Variants in GRIK2 observed in about 807,000 individuals in gnomAD.
The protein encoded by GRIK2 is glutamate receptor ionotropic, kainate 2.
GRIK2 carries 32 observed loss-of-function variants against 100.3 expected under a neutral mutation model. The observed-to-expected ratio is 0.32, with a 90% CI of 0.24 to 0.43. The LOEUF (loss-of-function observed/expected upper bound fraction) is 0.43. GRIK2 is among the 20% of genes least tolerant of loss of function. The pLI is 1.00. For missense variants in GRIK2, 843 were observed against 1,114.9 expected, an observed-to-expected ratio of 0.76 and a Z score of 3.47; for synonymous variants, 417 against 389.4, an observed-to-expected ratio of 1.07 and a Z score of -0.83.
At chr6:101,717,246 G>A (rs1048144903) in intron 7 of GRIK2, among the ~76,000 whole-genome samples, 2 of 151,730 alleles carry the variant, frequency 1.3e-5, no homozygotes, top group African/African-American at 4.8e-5. Context: ...GGGGTTGGAT[G>A]AAAAAATTTA....
At chr6:102,038,747 A>AAGCAG (rs1770413487) in intron 15 of GRIK2, among the ~76,000 whole-genome samples, 2 of 151,440 alleles carry the variant, frequency 1.3e-5, no homozygotes, top group Admixed American at 1.3e-4. Flanking sequence ...GCTATATTCA[A>AAGCAG]AGCAGAGCAA....
At chr6:101,461,466 C>G (rs762876004) in intron 2 of GRIK2, among the ~76,000 whole-genome samples, 2 of 152,170 alleles carry the variant, frequency 1.3e-5, no homozygotes, top group African/African-American at 2.4e-5. Flanking sequence ...TACCTTATGG[C>G]CCACTTCCTC....
Position 101,996,685 on chromosome 6 carries a change from G to A in GRIK2, c.2086-38656G>A, listed in dbSNP as rs188575332. ...GCATCTGCTTATGTCTTAATCTGAT[G>A]TACTTTATTCAAGAAGCAGGAAGTG... On this transcript the variant is annotated intron_variant, in intron 14 of 16. Transcript: ENST00000369134. 3.9e-5 allele frequency among the ~76,000 whole-genome samples: 6 copies of A among 152,206 alleles called. No homozygotes were observed. The East Asian group carries it at 9.7e-4, about 25-fold the overall frequency.
intron 16 of GRIK2, among the ~76,000 whole-genome samples, chr6:102,059,911 T>G (rs1048478436): frequency 6.7e-6 from 1 of 150,312 alleles, no homozygotes; most frequent in African/African-American, 2.4e-5. Flanking sequence ...TATAAATTAT[T>G]GAGTTTCCTG....
chr6:101,907,788 C>T lies in GRIK2; in HGVS notation c.1749-16813C>T, dbSNP rs143770583. Among the ~76,000 whole-genome samples, 67 of 151,546 alleles carry T rather than the reference C, an allele frequency of 4.4e-4. 2 individuals carry two copies. The highest frequency in any genetic ancestry group is 1.5e-3 in the African/African-American group (61 of 41,396). ...GGTTTCAATCCATAAAATATGACTA[C>T]GACATAAACTTTAGAGTTCTATCAG... On this transcript the variant is annotated intron_variant, in intron 12 of 16. Transcript: ENST00000369134.
At chr6:101,539,224 T>C (rs1046052816) in intron 2 of GRIK2, among the ~76,000 whole-genome samples, 1 of 151,790 alleles carries the variant, frequency 6.6e-6, no homozygotes, top group African/African-American at 2.4e-5. Flanking sequence ...CTTTCAGTTT[T>C]ATTTAGTTCT....
rs368438998 is a variant in GRIK2 at position 101,710,265 on chromosome 6, CAG to C, written c.951+23913_951+23914del. Among the ~76,000 whole-genome samples, 228 of 151,800 alleles carry C rather than the reference CAG, an allele frequency of 1.5e-3. 2 individuals are homozygous for C. The highest frequency in any genetic ancestry group is 5.3e-3 in the African/African-American group (218 of 41,468). On this transcript the variant is annotated intron_variant, in intron 7 of 16. Transcript: ENST00000369134. ...AGGCAGTAAAGGTGAGATGGAAGAA[CAG>C]GGGATTGGCAGTCAGAAGCCTGCAT...
chr6:101,549,906 C>G (rs1159176996), intron 2 of GRIK2, among the ~76,000 whole-genome samples: 4 of 152,116 alleles, frequency 2.6e-5, no homozygotes, highest in African/African-American at 9.7e-5. Flanking sequence ...TGTCAAATAA[C>G]TTTTCTGAAG....
chr6:101,662,018 TCA>T (rs1319161618), intron 4 of GRIK2, among the ~76,000 whole-genome samples: 1 of 152,190 alleles, frequency 6.6e-6, no homozygotes, highest in Non-Finnish European at 1.5e-5. Flanking sequence ...TTTACCTAAC[TCA>T]CAGAATACTC....
At chr6:101,706,460 A>G (rs1049216270) in intron 7 of GRIK2, among the ~76,000 whole-genome samples, 3 of 151,930 alleles carry the variant, frequency 2.0e-5, no homozygotes, top group Non-Finnish European at 4.4e-5. Context: ...ATTTTATATT[A>G]TGAGTATATA....
At chr6:101,768,808 G>A (rs912523580) in intron 7 of GRIK2, among the ~76,000 whole-genome samples, 3 of 152,136 alleles carry the variant, frequency 2.0e-5, no homozygotes, top group East Asian at 3.9e-4. Context: ...TCCTTGGCAT[G>A]TATTGTTTAT....
At chr6:101,459,817 C>G (rs1260298477) in intron 2 of GRIK2, among the ~76,000 whole-genome samples, 1 of 151,752 alleles carries the variant, frequency 6.6e-6, no homozygotes, top group Non-Finnish European at 1.5e-5. Context: ...CTCTTGTTGC[C>G]CAGGCTGGAG....
chr6:102,065,977 G>T lies in GRIK2; in HGVS notation c.2563-2370G>T, dbSNP rs940896209. 4.9e-5 allele frequency: 54 copies of T among 1,091,528 alleles called. No homozygotes were observed. In the African/African-American group the frequency reaches 8.0e-4, roughly 16 times the overall value. 67.6% of individuals were successfully genotyped at this position (1,091,528 alleles called of 1,614,324 possible). ...ACTGTTTCCATATACTGGCTGTCAG[G>T]TGCCACATAAATCCTTTAATAGAAA... On this transcript the variant is annotated intron_variant, in intron 16 of 16. Transcript: ENST00000369134.
chr6:101,394,000 G>C (rs982395492), intron 1 of GRIK2, among the ~76,000 whole-genome samples, 163 bp downstream of exon 1: 9 of 152,254 alleles, frequency 5.9e-5, no homozygotes, highest in African/African-American at 2.2e-4. Context: ...CGGGGCGCCC[G>C]CTGGACGGAT....
intron 13 of GRIK2, chr6:101,927,729 T>G (rs999187680): frequency 6.6e-6 from 1 of 152,096 alleles, no homozygotes; most frequent in African/African-American, 2.4e-5. Context: ...GATTTATATA[T>G]GTATAAAAAT....
At chr6:101,600,674 T>C (rs1375928410) in intron 2 of GRIK2, among the ~76,000 whole-genome samples, 2 of 151,756 alleles carry the variant, frequency 1.3e-5, no homozygotes, top group Non-Finnish European at 2.9e-5. Flanking sequence ...TTTAAGCTAA[T>C]TGTAAACGGG....
At chr6:102,031,736 G>T (rs989973796) in intron 14 of GRIK2, among the ~76,000 whole-genome samples, 1 of 151,188 alleles carries the variant, frequency 6.6e-6, no homozygotes, top group Non-Finnish European at 1.5e-5. Context: ...CTGTTCCTGT[G>T]TTAATTCACT....
At chr6:101,552,641 T>TTC (rs1324925986) in intron 2 of GRIK2, among the ~76,000 whole-genome samples, 1 of 152,220 alleles carries the variant, frequency 6.6e-6, no homozygotes, top group African/African-American at 2.4e-5. Context: ...TTTGTTGGTC[T>TTC]TTGAGATGCT....
intron 14 of GRIK2, among the ~76,000 whole-genome samples, chr6:101,959,239 G>A (rs1233281237): frequency 6.6e-6 from 1 of 151,940 alleles, no homozygotes; most frequent in African/African-American, 2.4e-5. Flanking sequence ...CTCTGGTCCT[G>A]GGCTCATATC....
Sources: allele counts gnomAD v4.1 joint callset (sites outside exome capture counted in the v4.1 genomes callset), GRCh38; gene constraint gnomAD v4.1.1; transcripts MANE v1.5; gene names NCBI Gene and HGNC (gene_info 2026-07-23, HGNC 2026-07-21).